Variants in BICC1 observed in about 807,000 individuals in gnomAD.
The protein encoded by BICC1 is protein bicaudal C homolog 1.
Under a neutral mutation model 111.0 loss-of-function variants are expected in BICC1, and 43 were observed. The ratio of observed to expected loss-of-function variants is 0.39; its 90% CI spans 0.30 to 0.50. BICC1 has a LOEUF of 0.50. Ranked by LOEUF, BICC1 falls within the 20% of genes least tolerant of loss-of-function variation. The pLI, the probability that BICC1 is intolerant of heterozygous loss-of-function variation, is 0.88. For missense variants in BICC1, 1,091 were observed against 1,203.2 expected (o/e 0.91, Z 1.38); for synonymous variants, 467 against 434.4 (o/e 1.07, Z -0.93).
chr10:58,527,938 A>T lies in BICC1; in HGVS notation c.190+14605A>T, dbSNP rs138223636. ...TCAGTTTCTCCCTTTACAAAACAGAATAATAATATGTCTCATGTAGGGTTA... is the reference window on the plus strand; with the variant it reads ...TCAGTTTCTCCCTTTACAAAACAGATTAATAATATGTCTCATGTAGGGTTA... On this transcript the variant is annotated intron_variant, in intron 1 of 20. Transcript: ENST00000373886. 2.0e-3 allele frequency among the ~76,000 whole-genome samples: 297 copies of T among 152,076 alleles called. 4 individuals carry two copies. Among genetic ancestry groups the T allele is most frequent in the African/African-American group, 6.9e-3 (287 of 41,518 alleles).
rs572664020 is a variant in BICC1, at chr10:58,513,048, C to T, written c.-96C>T. The T allele has an allele frequency of 0.015, 14,914 of 980,452 alleles. 167 individuals are homozygous for T. Among genetic ancestry groups the T allele is most frequent in the South Asian group, 0.04 (898 of 22,260 alleles). 60.7% of individuals were successfully genotyped at this position (980,452 alleles called of 1,614,324 possible). A position where few individuals can be genotyped will look rare whatever the true frequency, so the allele number is the denominator to read the frequency against. On this transcript the variant is annotated 5_prime_UTR_variant, in exon 1 of 21. Transcript: ENST00000373886. ...GCTGCAGGGGGACGAGCTAGCGCCG[C>T]GGCGCTGGGAGCCAGTTGAGCCCGG...
chr10:58,740,136 G>A (rs1468326503), intron 3 of BICC1, among the ~76,000 whole-genome samples: 1 of 152,142 alleles, frequency 6.6e-6, no homozygotes, highest in Non-Finnish European at 1.5e-5. Context: ...TTAAATGCAG[G>A]AACCTGCAGG....
At chr10:58,543,794 C>T (rs1011606245) in intron 1 of BICC1, among the ~76,000 whole-genome samples, 1 of 147,946 alleles carries the variant, frequency 6.8e-6, no homozygotes, top group South Asian at 2.2e-4. Flanking sequence ...AGGGTGTGAA[C>T]CACTATGCCT....
chr10:58,824,229 A>T, intron 20 of BICC1: 1 of 342,246 alleles, frequency 2.9e-6, no homozygotes, highest in Non-Finnish European at 4.1e-6. Flanking sequence ...CACCTCTGTC[A>T]CTTAGTACCT....
At chr10:58,582,886 A>G (rs1448103512) in intron 1 of BICC1, among the ~76,000 whole-genome samples, 1 of 152,172 alleles carries the variant, frequency 6.6e-6, no homozygotes, top group Non-Finnish European at 1.5e-5. Flanking sequence ...GGATAATCTT[A>G]TTTTTAGGCC....
intron 3 of BICC1, among the ~76,000 whole-genome samples, chr10:58,709,805 A>T (rs1372918075): frequency 6.6e-6 from 1 of 152,224 alleles, no homozygotes; most frequent in Non-Finnish European, 1.5e-5. Flanking sequence ...AATAGTCCTA[A>T]TGATGACTGC....
chr10:58,725,448 A>G (rs1325606275), intron 3 of BICC1, among the ~76,000 whole-genome samples: 2 of 152,188 alleles, frequency 1.3e-5, no homozygotes, highest in African/African-American at 4.8e-5. Flanking sequence ...TCTTTCAAGT[A>G]TGGATCATCT....
chr10:58,801,611 A>G (rs1554834660), intron 14 of BICC1, among the ~76,000 whole-genome samples: 1 of 149,190 alleles, frequency 6.7e-6, no homozygotes, highest in South Asian at 2.1e-4. Context: ...TTTTTCCTCC[A>G]TGTATTTTGG....
chr10:58,700,563 A>G (rs1329737874), intron 2 of BICC1, among the ~76,000 whole-genome samples: 2 of 152,236 alleles, frequency 1.3e-5, no homozygotes, highest in African/African-American at 2.4e-5. Flanking sequence ...GGGCCAGACC[A>G]GTACCTTGAC....
intron 1 of BICC1, among the ~76,000 whole-genome samples, chr10:58,515,746 A>T (rs889082126): frequency 6.6e-6 from 1 of 152,156 alleles, no homozygotes; most frequent in African/African-American, 2.4e-5. Flanking sequence ...TGTAAAATGG[A>T]GCTGATACTA....
rs201403632 is a variant in BICC1 at position 58,775,406 on chromosome 10, A to AC, written c.308-9594dup. On this transcript the variant is annotated intron_variant, in intron 3 of 20. Coordinates refer to ENST00000373886, the MANE Select transcript of BICC1 (RefSeq NM_001080512.3). Reference sequence around the variant, plus strand: ...AACAAAAAACAAAAAACAAAAAAAAACAAACAAAAAAAAACATTTAAGCAG... The same window carrying AC: ...AACAAAAAACAAAAAACAAAAAAAAACCAAACAAAAAAAAACATTTAAGCAG... 5.4e-3 allele frequency among the ~76,000 whole-genome samples: 815 copies of AC among 151,922 alleles called. 13 individuals are homozygous for AC. The highest frequency in any genetic ancestry group is 0.017 in the African/African-American group (702 of 41,404).
chr10:58,817,501 A>T, intron 18 of BICC1, 61 bp from the exon 19 acceptor site: 1 of 1,584,086 alleles, frequency 6.3e-7, no homozygotes, highest in Non-Finnish European at 8.7e-7. Context: ...TAAAACTTTT[A>T]ATTAAACCAT....
chr10:58,760,134 T>C (rs1451858962), intron 3 of BICC1, among the ~76,000 whole-genome samples: 1 of 152,138 alleles, frequency 6.6e-6, no homozygotes, highest in Non-Finnish European at 1.5e-5. Flanking sequence ...ACTGTGAATT[T>C]GTATGTTGTG....
intron 1 of BICC1, among the ~76,000 whole-genome samples, chr10:58,514,606 T>A (rs1842191409): frequency 6.6e-6 from 1 of 152,210 alleles, no homozygotes; most frequent in Non-Finnish European, 1.5e-5. Context: ...CAGGCTTTCC[T>A]CCCTTGTTGC....
chr10:58,614,401 C>G (rs1279146442), intron 1 of BICC1, among the ~76,000 whole-genome samples: 1 of 152,168 alleles, frequency 6.6e-6, no homozygotes, highest in Non-Finnish European at 1.5e-5. Flanking sequence ...GAAATGGATA[C>G]ATCAGAATTG....
intron 2 of BICC1, among the ~76,000 whole-genome samples, chr10:58,634,763 A>T (rs1215904058): frequency 6.6e-6 from 1 of 152,196 alleles, no homozygotes; most frequent in East Asian, 1.9e-4. Context: ...CCTAGTGTTG[A>T]CCAGAAGCCT....
chr10:58,795,613 C>T (rs1178689431), intron 9 of BICC1, among the ~76,000 whole-genome samples: 1 of 151,812 alleles, frequency 6.6e-6, no homozygotes, highest in Non-Finnish European at 1.5e-5. Flanking sequence ...AGCTGGCCCA[C>T]ATTCTAACTA....
intron 3 of BICC1, among the ~76,000 whole-genome samples, chr10:58,737,254 C>T (rs1455214554): frequency 2.0e-5 from 3 of 152,146 alleles, no homozygotes; most frequent in Admixed American, 6.5e-5. Context: ...TCCCTTCCCC[C>T]CACCGCACAA....
rs12243545 is a variant in BICC1, at chr10:58,716,832, C to T, written c.307+14689C>T. ...GCTAGCAGAATAGTGTGCCTTTGAT[C>T]CTCACACATCCTGTATTATGAACAC... On this transcript the variant is annotated intron_variant, in intron 3 of 20. Transcript: ENST00000373886. 2.5e-3 allele frequency among the ~76,000 whole-genome samples: 371 copies of T among 151,374 alleles called. 16 individuals carry two copies. The highest frequency in any genetic ancestry group is 8.9e-3 in the African/African-American group (362 of 40,754).
Sources: allele counts gnomAD v4.1 joint callset (sites outside exome capture counted in the v4.1 genomes callset), GRCh38; gene constraint gnomAD v4.1.1; transcripts MANE v1.5; gene names NCBI Gene and HGNC (gene_info 2026-07-23, HGNC 2026-07-21).